TGS1: variants seen among roughly 807,000 people sequenced by gnomAD.
TGS1 encodes the protein trimethylguanosine synthase.
TGS1 carries 69 observed loss-of-function variants against 92.2 expected under a neutral mutation model. The observed-to-expected ratio is 0.75, with a 90% CI of 0.62 to 0.91. The LOEUF (loss-of-function observed/expected upper bound fraction) is 0.91. Ranked by LOEUF, TGS1 falls within the 40% of genes least tolerant of loss-of-function variation. TGS1 has a pLI of 0.00. For synonymous variants in TGS1, 345 were observed against 338.1 expected, an observed-to-expected ratio of 1.02 and a Z score of -0.22; for missense variants, 1,062 against 1,001.2, an observed-to-expected ratio of 1.06 and a Z score of -0.82.
intron 8 of TGS1, among the ~76,000 whole-genome samples, chr8:55,802,179 G>A (rs1812235613): frequency 6.6e-6 from 1 of 152,158 alleles, no homozygotes; most frequent in South Asian, 2.1e-4. Flanking sequence ...GGGTGACAGA[G>A]CCAGACTTCG....
intron 4 of TGS1, among the ~76,000 whole-genome samples, chr8:55,789,087 C>G (rs182975334): frequency 1.3e-5 from 2 of 152,270 alleles, no homozygotes; most frequent in Admixed American, 1.3e-4. Flanking sequence ...GTTTTAGATC[C>G]TCCCTTGAGT....
In TGS1 at chr8:55,786,983, A is replaced by G; in HGVS notation, c.1085A>G (p.Gln362Arg). Residue 362 changes from glutamine (Q) to arginine (R), a missense_variant, in exon 4 of 13, where the codon CAA (glutamine) becomes CGA (arginine). By Grantham distance (43) the Gln-to-Arg change is conservative. Coordinates refer to ENST00000260129, the MANE Select transcript of TGS1 (RefSeq NM_024831.8). ...SSKRECPASG[Q>R]SEPRNGGTNE... is the part of the protein sequence containing the mutation. ...AAAAGAGAGTGCCCTGCTTCCGGCC[A>G]AAGTGAACCACGTAATGGAGGAACC... is the stretch of plus-strand genomic sequence containing the variant. 1 of 1,614,182 alleles carries G rather than the reference A, an allele frequency of 6.2e-7. No individual in the cohort carries two copies.
At position 55,814,674 on chromosome 8, in the gene TGS1, A is replaced by AAAAT. The variant is rs1254531524; in HGVS notation, c.2439+1557_2439+1558insAATA. Reference sequence around the variant, plus strand: ...CGTCTCTACTTAAAAAAAAAAAAAAAATATATATATATATATATATATATG... The same window carrying AAAAT: ...CGTCTCTACTTAAAAAAAAAAAAAAAAAATATATATATATATATATATATATATG... On this transcript the variant is annotated intron_variant, in intron 12 of 12. Coordinates refer to ENST00000260129, the MANE Select transcript of TGS1 (RefSeq NM_024831.8). Among the ~76,000 whole-genome samples the AAAAT allele has an allele frequency of 5.2e-3, 647 of 123,276 alleles. 4 individuals carry two copies. Among genetic ancestry groups the AAAAT allele is most frequent in the African/African-American group, 0.017 (478 of 28,006 alleles). 80.9% of individuals were successfully genotyped at this position (123,276 alleles called of 152,430 possible).
Position 55,813,114 on chromosome 8 carries a change from A to T in TGS1, c.2435A>T (p.Asp812Val), listed in dbSNP as rs748666296. 1.0e-5 allele frequency: 16 copies of T among 1,606,138 alleles called. No homozygotes were observed. The highest frequency in any genetic ancestry group is 1.1e-5 in the Non-Finnish European group (13 of 1,174,030). Residue 812 changes from aspartate (D) to valine (V), a missense_variant, in exon 12 of 13, where the codon GAC becomes GTC. Asp to Val is a radical substitution (Grantham distance 152). Coordinates refer to ENST00000260129, the MANE Select transcript of TGS1 (RefSeq NM_024831.8). Reference protein sequence around the residue: ...VYFLPRNADIDQVASLAGPGG... With the variant: ...VYFLPRNADIVQVASLAGPGG... Reference sequence around the variant, plus strand: ...TTTCTTCCAAGAAATGCTGATATTGACCAGGTAAGCCATTACTGAAAAACT... The same window carrying T: ...TTTCTTCCAAGAAATGCTGATATTGTCCAGGTAAGCCATTACTGAAAAACT...
rs771399164 is a variant in TGS1, at chr8:55,802,437, T to A, written c.1850-20T>A. 6.2e-7 allele frequency: 1 copy of A among 1,606,644 alleles called. No individual in the cohort carries two copies. Among genetic ancestry groups the A allele is most frequent in the Non-Finnish European group, 8.5e-7 (1 of 1,175,112 alleles). ...ATTTTTTTCTTAGTGAGCATCTATATTCTTTGTATTTTATTTTAGCTGAAG... is the reference window on the plus strand; with the variant it reads ...ATTTTTTTCTTAGTGAGCATCTATAATCTTTGTATTTTATTTTAGCTGAAG... On this transcript the variant is annotated intron_variant, in intron 8 of 12. Coordinates refer to ENST00000260129, the MANE Select transcript of TGS1 (RefSeq NM_024831.8).
intron 12 of TGS1, among the ~76,000 whole-genome samples, chr8:55,824,048 G>A (rs1157604884): frequency 5.3e-5 from 8 of 152,060 alleles, no homozygotes; most frequent in African/African-American, 1.9e-4. Flanking sequence ...CCCGGGAGGC[G>A]GAGGTTGCAG....
In TGS1 at chr8:55,786,285, T is replaced by A; in HGVS notation, c.387T>A (p.His129Gln). 1 of 1,538,316 alleles carries A rather than the reference T, an allele frequency of 6.5e-7. No individual in the cohort carries two copies. Reference protein sequence around the residue: ...RNKVKIKKKKHQKKYLDEIVQ... With the variant: ...RNKVKIKKKKQQKKYLDEIVQ... ...AAGTTAAAATAAAAAAGAAAAAACA[T>A]CAAAAGAAATACTTAGATGAAATTG... The change falls in exon 4 of 13, where the codon CAT becomes CAA. Residue 129 changes from histidine (H) to glutamine (Q), a missense_variant. By Grantham distance (24) the His-to-Gln change is conservative. Transcript: ENST00000260129.
chr8:55,799,143 G>C lies in TGS1; in HGVS notation c.1772G>C (p.Ser591Thr). 6.2e-7 allele frequency: 1 copy of C among 1,614,160 alleles called. No individual in the cohort carries two copies. Among genetic ancestry groups the C allele is most frequent in the Non-Finnish European group, 8.5e-7 (1 of 1,180,032 alleles). The change falls in exon 8 of 13, where the codon AGC (serine) becomes ACC (threonine). Residue 591 changes from serine (S) to threonine (T), a missense_variant. Ser to Thr is a moderately conservative substitution (Grantham distance 58). Transcript: ENST00000260129. ...ELETENYERD[S>T]LLATVPDEQD... is the part of the protein sequence containing the mutation. ...GAAACAGAAAACTATGAAAGAGACAGCTTGCTAGCAACTGTTCCAGATGAG... is the reference window on the plus strand; with the variant it reads ...GAAACAGAAAACTATGAAAGAGACACCTTGCTAGCAACTGTTCCAGATGAG...
intron 8 of TGS1, among the ~76,000 whole-genome samples, chr8:55,800,795 C>T (rs994557107): frequency 6.6e-6 from 1 of 152,156 alleles, no homozygotes; most frequent in Non-Finnish European, 1.5e-5. Flanking sequence ...TTACTATTTA[C>T]AATGATCAGA....
intron 9 of TGS1, 123 bp from the exon 10 acceptor site, chr8:55,804,770 A>AT (rs1344279007): frequency 1.2e-6 from 1 of 852,958 alleles, no homozygotes; most frequent in South Asian, 2.4e-5. Flanking sequence ...GTGATTTATA[A>AT]TTTTTTAAAA....
chr8:55,817,205 T>C (rs1364727558), intron 12 of TGS1, among the ~76,000 whole-genome samples: 2 of 152,234 alleles, frequency 1.3e-5, no homozygotes, highest in Non-Finnish European at 2.9e-5. Flanking sequence ...GCTCCAATTG[T>C]CTTTTTATAT....
chr8:55,790,337 G>A lies in TGS1; in HGVS notation c.1280+38G>A, dbSNP rs536156777. Reference sequence around the variant, plus strand: ...AGACCCCTCTCACCAGAGCGTGTTAGAGTAAGCATTTGTATGCATAAGCCA... The same window carrying A: ...AGACCCCTCTCACCAGAGCGTGTTAAAGTAAGCATTTGTATGCATAAGCCA... On this transcript the variant is annotated intron_variant, in intron 5 of 12. Coordinates refer to ENST00000260129, the MANE Select transcript of TGS1 (RefSeq NM_024831.8). 6.5e-5 allele frequency: 90 copies of A among 1,386,604 alleles called. 1 individual carries two copies. In the South Asian group the frequency reaches 8.9e-4, roughly 14 times the overall value. 85.9% of individuals were successfully genotyped at this position (1,386,604 alleles called of 1,614,324 possible).
At chr8:55,796,267 A>AG in intron 7 of TGS1, 115 bp downstream of exon 7, 1 of 809,636 alleles carries the variant, frequency 1.2e-6, no homozygotes. Context: ...CAAGGTACAT[A>AG]ATTTTTTTTT....
At chr8:55,813,188 A>T (rs1039457810) in intron 12 of TGS1, 70 bp downstream of exon 12, 2 of 1,077,550 alleles carry the variant, frequency 1.9e-6, no homozygotes, top group Non-Finnish European at 2.8e-6. Flanking sequence ...AAGATACAGG[A>T]CATATCCTTA....
intron 7 of TGS1, among the ~76,000 whole-genome samples, chr8:55,798,487 A>G (rs982432596): frequency 1.3e-5 from 2 of 152,204 alleles, no homozygotes; most frequent in Admixed American, 1.3e-4. Flanking sequence ...GCTAAGTAAC[A>G]TTTACATAGA....
At chr8:55,810,803 A>G in intron 10 of TGS1, 78 bp from the exon 11 acceptor site, 1 of 1,190,832 alleles carries the variant, frequency 8.4e-7, no homozygotes, top group Non-Finnish European at 1.2e-6. Flanking sequence ...AAGATGACAG[A>G]CTATTCGAAA....
chr8:55,777,845 C>CA (rs1204783119), intron 1 of TGS1, among the ~76,000 whole-genome samples: 1 of 152,070 alleles, frequency 6.6e-6, no homozygotes, highest in African/African-American at 2.4e-5. Context: ...ATTACTATCG[C>CA]AATTATCCTA....
At position 55,792,734 on chromosome 8, in the gene TGS1, C is replaced by G. The variant is rs749593062; in HGVS notation, c.1317C>G (p.Asp439Glu). The G allele has an allele frequency of 1.9e-6, 3 of 1,613,892 alleles. No homozygotes were observed. Among genetic ancestry groups the G allele is most frequent in the Non-Finnish European group, 1.7e-6 (2 of 1,179,854 alleles). ...ELDIDENPAS[D>E]FDDSGSLLGF... is the part of the protein sequence containing the mutation. ...ACATTGATGAAAACCCAGCTTCAGA[C>G]TTTGATGACAGTGGTTCCCTTCTAG... is the stretch of plus-strand genomic sequence containing the variant. The change falls in exon 6 of 13, where the codon GAC becomes GAG. Residue 439 changes from aspartate to glutamate, a missense_variant. Physicochemically the swap from Asp to Glu is conservative, Grantham distance 45. Transcript: ENST00000260129.
rs193053167 is a variant in TGS1 at position 55,795,011 on chromosome 8, T to C, written c.1368-967T>C. Among the ~76,000 whole-genome samples the C allele has an allele frequency of 3.6e-3, 555 of 152,318 alleles. 5 individuals are homozygous for C. Among genetic ancestry groups the C allele is most frequent in the Non-Finnish European group, 5.5e-3 (377 of 68,016 alleles). On this transcript the variant is annotated intron_variant, in intron 6 of 12. Transcript: ENST00000260129. ...TCTTGTAGTTTCTAAAGATTATCAGTTTTTCTCCCTTAGGTGTTTCAAGGC... is the reference window on the plus strand; with the variant it reads ...TCTTGTAGTTTCTAAAGATTATCAGCTTTTCTCCCTTAGGTGTTTCAAGGC...
Sources: allele counts gnomAD v4.1 joint callset (sites outside exome capture counted in the v4.1 genomes callset), GRCh38; gene constraint gnomAD v4.1.1; transcripts MANE v1.5; gene names NCBI Gene and HGNC (gene_info 2026-07-23, HGNC 2026-07-21).